CTNNA1: variants seen among roughly 807,000 people sequenced by gnomAD.
CTNNA1 encodes the protein catenin alpha-1.
A neutral mutation model predicts 98.4 loss-of-function variants in CTNNA1; 37 were observed. The ratio of observed to expected loss-of-function variants is 0.38; its 90% confidence interval spans 0.29 to 0.49. The LOEUF (loss-of-function observed/expected upper bound fraction) is 0.49. Among genes scored for constraint, CTNNA1 ranks in the 20% least tolerant of loss-of-function variants. CTNNA1 has a pLI of 0.95. For synonymous variants in CTNNA1, 404 were observed against 413.2 expected, an observed-to-expected ratio of 0.98 and a Z score of 0.27; for missense variants, 761 against 1,147.2, an observed-to-expected ratio of 0.66 and a Z score of 4.86.
At chr5:138,754,784 C>T (rs1336872604) in intron 1 of CTNNA1, 2 of 152,118 alleles carry the variant, frequency 1.3e-5, no homozygotes, top group South Asian at 2.1e-4. Context: ...TTTTTAAAGA[C>T]GGGGTCTCCG....
At chr5:138,844,855 TAG>T (rs2149827296) in intron 7 of CTNNA1, among the ~76,000 whole-genome samples, 1 of 152,280 alleles carries the variant, frequency 6.6e-6, no homozygotes, top group South Asian at 2.1e-4. Flanking sequence ...AACAAAGATT[TAG>T]AGTCAAAAAT....
chr5:138,833,940 G>A (rs887475051), intron 7 of CTNNA1, among the ~76,000 whole-genome samples: 1 of 152,104 alleles, frequency 6.6e-6, no homozygotes, highest in Non-Finnish European at 1.5e-5. Context: ...TGGTTGGACT[G>A]GATGTATATT....
chr5:138,876,882 C>G (rs1459305255), intron 7 of CTNNA1, among the ~76,000 whole-genome samples: 1 of 152,088 alleles, frequency 6.6e-6, no homozygotes, highest in Non-Finnish European at 1.5e-5. Flanking sequence ...TAGAAGTGAT[C>G]CCAAGGTAGA....
intron 9 of CTNNA1, among the ~76,000 whole-genome samples, chr5:138,903,003 A>C (rs1758409408): frequency 6.6e-6 from 1 of 152,118 alleles, no homozygotes; most frequent in African/African-American, 2.4e-5. Context: ...TCATCCTGAA[A>C]AGAAATGTCT....
chr5:138,774,832 A>ATC lies in CTNNA1; in HGVS notation c.-2-7088_-2-7087dup, dbSNP rs201261009. 4.7e-3 allele frequency among the ~76,000 whole-genome samples: 720 copies of ATC among 151,648 alleles called. 3 individuals are homozygous for ATC. The highest frequency in any genetic ancestry group is 0.015 in the African/African-American group (605 of 41,332). On this transcript the variant is annotated intron_variant, in intron 1 of 17. Transcript: ENST00000302763. ...GAGACGGGGTTTCACCGTGGTCTTG[A>ATC]TCTCCTGACCTCGTGATCCGCCCAC... is the stretch of plus-strand genomic sequence containing the variant.
At chr5:138,840,297 C>T (rs1762164864) in intron 7 of CTNNA1, among the ~76,000 whole-genome samples, 3 of 152,308 alleles carry the variant, frequency 2.0e-5, no homozygotes, top group African/African-American at 7.2e-5. Flanking sequence ...CTCTCTGCCT[C>T]TAGCAAAGAG....
At chr5:138,857,613 A>G (rs1763846676) in intron 7 of CTNNA1, among the ~76,000 whole-genome samples, 1 of 152,090 alleles carries the variant, frequency 6.6e-6, no homozygotes, top group Non-Finnish European at 1.5e-5. Context: ...CTACCACTGC[A>G]TTCTTAAGTG....
At chr5:138,815,806 G>T (rs1282358236) in intron 5 of CTNNA1, among the ~76,000 whole-genome samples, 2 of 152,046 alleles carry the variant, frequency 1.3e-5, no homozygotes, top group East Asian at 3.9e-4. Context: ...TCCTGAAAGA[G>T]AATTCACTGA....
intron 16 of CTNNA1, 141 bp from the exon 17 acceptor site, chr5:138,932,437 C>T: frequency 1.4e-6 from 2 of 1,460,222 alleles, no homozygotes; most frequent in South Asian, 2.9e-5. Flanking sequence ...CTGTGACTGC[C>T]TCAGGTAATT....
At chr5:138,925,685 G>A (rs915854506) in intron 13 of CTNNA1, among the ~76,000 whole-genome samples, 2 of 152,226 alleles carry the variant, frequency 1.3e-5, no homozygotes, top group Non-Finnish European at 2.9e-5. Context: ...TTTGAGTTAG[G>A]CAGGAAATTA....
At chr5:138,911,140 GGT>G in intron 10 of CTNNA1, among the ~76,000 whole-genome samples, 1 of 152,284 alleles carries the variant, frequency 6.6e-6, no homozygotes, top group Non-Finnish European at 1.5e-5. Flanking sequence ...GGAAGGCCGA[GGT>G]GGGAGGATTG....
chr5:138,774,504 G>A (rs2149615397), intron 1 of CTNNA1, among the ~76,000 whole-genome samples: 1 of 152,248 alleles, frequency 6.6e-6, no homozygotes, highest in South Asian at 2.1e-4. Flanking sequence ...TGAACAAGTG[G>A]GCACAAGCTT....
intron 7 of CTNNA1, among the ~76,000 whole-genome samples, chr5:138,848,943 C>G (rs1275555654): frequency 6.6e-6 from 1 of 152,108 alleles, no homozygotes; most frequent in Non-Finnish European, 1.5e-5. Context: ...AGACTGGTCT[C>G]GAACTCCTGA....
chr5:138,900,835 GT>G (rs1757873980), intron 9 of CTNNA1, among the ~76,000 whole-genome samples: 1 of 152,114 alleles, frequency 6.6e-6, no homozygotes, highest in South Asian at 2.1e-4. Context: ...TTGTTTAAAT[GT>G]TTTCTGAAAC....
At chr5:138,829,038 C>G (rs1223665270) in intron 7 of CTNNA1, among the ~76,000 whole-genome samples, 1 of 152,104 alleles carries the variant, frequency 6.6e-6, no homozygotes, top group Non-Finnish European at 1.5e-5. Context: ...GGAAGAATCG[C>G]TTAAGCCTGG....
At chr5:138,847,166 A>G (rs115639027) in intron 7 of CTNNA1, among the ~76,000 whole-genome samples, 54 of 152,378 alleles carry the variant, frequency 3.5e-4, no homozygotes, top group African/African-American at 1.3e-3. Context: ...TTTTAGCAAC[A>G]TTAACTTATT....
intron 1 of CTNNA1, among the ~76,000 whole-genome samples, chr5:138,779,159 A>G (rs1423097988): frequency 6.6e-6 from 1 of 152,166 alleles, no homozygotes; most frequent in Admixed American, 6.5e-5. Flanking sequence ...AATTACAAGC[A>G]TGAACCACCA....
chr5:138,892,333 T>G (rs1379101218), intron 9 of CTNNA1, among the ~76,000 whole-genome samples: 3 of 67,790 alleles, frequency 4.4e-5, no homozygotes, highest in African/African-American at 1.1e-4. Flanking sequence ...GCTTAGTTTT[T>G]TTTTTTTTTT....
chr5:138,875,539 T>C (rs1453644535), intron 7 of CTNNA1: 1 of 985,402 alleles, frequency 1.0e-6, no homozygotes, highest in Non-Finnish European at 1.2e-6. Flanking sequence ...ATTCCTTCAG[T>C]GTAGGAAGCA....
Sources: allele counts gnomAD v4.1 joint callset (sites outside exome capture counted in the v4.1 genomes callset), GRCh38; gene constraint gnomAD v4.1.1; transcripts MANE v1.5; gene names NCBI Gene and HGNC (gene_info 2026-07-23, HGNC 2026-07-21).